DORIP1: variants seen among roughly 807,000 people sequenced by gnomAD.
DORIP1 encodes the protein dopamine receptor-interacting protein 1.
the DORIP1 span, chr14:44,903,763 G>T: frequency 1.0e-6 from 1 of 967,760 alleles, no homozygotes; most frequent in Non-Finnish European, 1.2e-6. Context: ...AATTACAAAA[G>T]GAAAGGTAAA....
At chr14:44,904,422 A>G in the DORIP1 span, 4 of 1,610,496 alleles carry the variant, frequency 2.5e-6, no homozygotes, top group South Asian at 1.1e-5. Context: ...AATTTTCCCA[A>G]CGAATTTTCT....
the DORIP1 span, chr14:44,903,906 C>G: frequency 6.1e-6 from 6 of 980,542 alleles, no homozygotes; most frequent in Non-Finnish European, 7.3e-6. Flanking sequence ...ATACTGTACC[C>G]TGAGCATTCC....
the DORIP1 span, chr14:44,897,668 C>CGGCGGGGCACT: frequency 6.5e-6 from 1 of 153,156 alleles, no homozygotes; most frequent in African/African-American, 2.4e-5. Flanking sequence ...TCTGAGCACT[C>CGGCGGGGCACT]GGCGGGGCAC....
chr14:44,900,371 T>C, the DORIP1 span: 5 of 1,318,670 alleles, frequency 3.8e-6, no homozygotes, highest in African/African-American at 4.5e-5. Context: ...CGTTTAAACA[T>C]ATTATGCATT....
the DORIP1 span, chr14:44,900,606 C>A: frequency 6.2e-7 from 1 of 1,609,810 alleles, no homozygotes; most frequent in African/African-American, 1.3e-5. Flanking sequence ...AAAATACCTG[C>A]ACCATAGATG....
chr14:44,903,055 ATAC>A, the DORIP1 span: 2 of 546,084 alleles, frequency 3.7e-6, no homozygotes, highest in South Asian at 3.0e-5. Context: ...ACTGGTTTCT[ATAC>A]TATCTGCAAG....
chr14:44,902,808 G>GT, the DORIP1 span, among the ~76,000 whole-genome samples: 8 of 151,870 alleles, frequency 5.3e-5, no homozygotes, highest in East Asian at 7.7e-4. Flanking sequence ...TAGAAAAAAA[G>GT]TTTTTTTTAA....
chr14:44,903,011 T>C, the DORIP1 span, among the ~76,000 whole-genome samples: 1 of 152,226 alleles, frequency 6.6e-6, no homozygotes, highest in Non-Finnish European at 1.5e-5. Context: ...AAAATATGTT[T>C]CTTTGAAAAT....
At chr14:44,898,175 T>C in the DORIP1 span, among the ~76,000 whole-genome samples, 4 of 152,306 alleles carry the variant, frequency 2.6e-5, no homozygotes, top group East Asian at 7.7e-4. Flanking sequence ...GCTAAACAGC[T>C]AAGACAATTT....
At chr14:44,899,079 C>T in the DORIP1 span, 4 of 152,132 alleles carry the variant, frequency 2.6e-5, no homozygotes, top group Non-Finnish European at 4.4e-5. Context: ...AAAGTAACCT[C>T]GGAAAACAAT....
At chr14:44,900,482 A>G in the DORIP1 span, 7 of 1,563,912 alleles carry the variant, frequency 4.5e-6, no homozygotes, top group South Asian at 2.4e-5. Context: ...AAAAATAACT[A>G]TAACCAAGAT....
chr14:44,904,318 C>T, the DORIP1 span: 8 of 1,517,738 alleles, frequency 5.3e-6, no homozygotes, highest in Admixed American at 1.4e-4. Context: ...AAATTAAAGT[C>T]ATAAAGACAA....
the DORIP1 span, chr14:44,905,630 G>A: frequency 9.6e-7 from 1 of 1,046,706 alleles, no homozygotes; most frequent in Non-Finnish European, 1.3e-6. Context: ...TGTATACTTG[G>A]TATCCAAGAA....
At chr14:44,901,708 C>T in the DORIP1 span, among the ~76,000 whole-genome samples, 17,423 of 152,216 alleles carry the variant, frequency 0.11, 2,912 homozygotes, top group African/African-American at 0.37. Flanking sequence ...AAATTAAAAG[C>T]ATCCTTTCAT....
At chr14:44,903,206 G>A in the DORIP1 span, 3 of 1,600,942 alleles carry the variant, frequency 1.9e-6, no homozygotes, top group Non-Finnish European at 2.6e-6. Flanking sequence ...AATTATTATA[G>A]TCCTCCCCAA....
chr14:44,905,424 T>C, the DORIP1 span: 1 of 1,568,984 alleles, frequency 6.4e-7, no homozygotes, highest in South Asian at 1.2e-5. Context: ...ATTCTGCAGC[T>C]TTCCAGATTG....
chr14:44,897,471 AGCGGCG>A, the DORIP1 span: 90 of 211,278 alleles, frequency 4.3e-4, no homozygotes, highest in African/African-American at 1.9e-3. Flanking sequence ...TAGATGAGGC[AGCGGCG>A]GCGGCGGCGG....
the DORIP1 span, chr14:44,904,125 G>C: frequency 2.0e-6 from 2 of 985,176 alleles, no homozygotes. Context: ...CAGTTCTGCA[G>C]AGTTATGCTT....
At chr14:44,900,279 A>G in the DORIP1 span, 1 of 589,602 alleles carries the variant, frequency 1.7e-6, no homozygotes, top group Non-Finnish European at 2.6e-6. Flanking sequence ...TAGTGCGCGA[A>G]AAGTGGCTCA....
Sources: gnomAD v4.1 joint callset for allele counts (sites outside exome capture counted in the v4.1 genomes callset) on GRCh38, gnomAD v4.1.1 for gene constraint, MANE v1.5 for transcripts, NCBI Gene and HGNC (gene_info 2026-07-23, HGNC 2026-07-21) for gene names.